Variants in CSMD1 observed in about 807,000 individuals in gnomAD.
CSMD1 encodes CUB and sushi domain-containing protein 1.
In CSMD1, 213 loss-of-function variants were observed where a neutral mutation model predicts 417.5. The ratio of observed to expected loss-of-function variants is 0.51; its 90% CI spans 0.46 to 0.57. CSMD1 has a LOEUF of 0.57. CSMD1 is among the 20% of genes least tolerant of loss of function. CSMD1 has a pLI of 0.00. For missense variants in CSMD1, 6,923 were observed against 4,529.7 expected (o/e 1.53, Z -15.17); for synonymous variants, 2,862 against 1,736.8 (o/e 1.65, Z -16.11).
intron 3 of CSMD1, among the ~76,000 whole-genome samples, chr8:4,135,133 AAT>A (rs1803340808): frequency 6.6e-6 from 1 of 152,144 alleles, no homozygotes; most frequent in Admixed American, 6.6e-5. Flanking sequence ...ACGCACACAA[AAT>A]ATTGTCATAT....
At chr8:4,723,944 G>T (rs143013902) in intron 1 of CSMD1, among the ~76,000 whole-genome samples, 1 of 151,966 alleles carries the variant, frequency 6.6e-6, no homozygotes, top group African/African-American at 2.4e-5. Flanking sequence ...TGAGTAACTT[G>T]CCTAGATAAG....
chr8:3,910,275 GCT>G (rs1808379619), intron 5 of CSMD1, among the ~76,000 whole-genome samples: 2 of 152,120 alleles, frequency 1.3e-5, no homozygotes, highest in South Asian at 2.1e-4. Flanking sequence ...CAGCTGCTCA[GCT>G]CTCTCACCAC....
At chr8:4,053,017 C>G (rs183084405) in intron 3 of CSMD1, among the ~76,000 whole-genome samples, 1 of 152,210 alleles carries the variant, frequency 6.6e-6, no homozygotes, top group Non-Finnish European at 1.5e-5. Flanking sequence ...TATACTTTAG[C>G]AAAGGGTAAC....
At position 4,661,225 on chromosome 8, in the gene CSMD1, A is replaced by G. The variant is rs140344810; in HGVS notation, c.86-23667T>C. The stretch of plus-strand genomic sequence containing the variant: ...ACTGAAACAGCCCAGATGTCCTTTA[A>G]TGAGTGAATGGCTAAATAAATTGTG... On this transcript the variant is annotated intron_variant, in intron 1 of 69. Transcript: ENST00000635120. 2.2e-3 allele frequency among the ~76,000 whole-genome samples: 339 copies of G among 152,166 alleles called. 1 individual carries two copies. The highest frequency in any genetic ancestry group is 7.9e-3 in the African/African-American group (328 of 41,554).
At chr8:3,691,682 T>C (rs1218495043) in intron 7 of CSMD1, among the ~76,000 whole-genome samples, 1 of 152,170 alleles carries the variant, frequency 6.6e-6, no homozygotes, top group Non-Finnish European at 1.5e-5. Context: ...GTATTTTTTA[T>C]AGCAATGTAA....
In CSMD1 at chr8:3,695,809, A is replaced by G. The variant is rs188496442; in HGVS notation, c.1009+12605T>C. ...TCAGATTATAAATCAACCAGCAAAC[A>G]CTTTTCCAACTTAAAATAGCATTAT... On this transcript the variant is annotated intron_variant, in intron 7 of 69. Transcript: ENST00000635120. Among the ~76,000 whole-genome samples the G allele has an allele frequency of 2.0e-5, 3 of 152,310 alleles. No individual in the cohort carries two copies. The East Asian group carries it at 5.8e-4, about 29-fold the overall frequency.
chr8:4,675,066 C>A (rs562321654), intron 1 of CSMD1, among the ~76,000 whole-genome samples: 1 of 152,078 alleles, frequency 6.6e-6, no homozygotes, highest in Admixed American at 6.6e-5. Context: ...TCCAGAACTG[C>A]GAGGAATAAA....
chr8:4,456,540 G>T (rs530716001), intron 2 of CSMD1, among the ~76,000 whole-genome samples: 2 of 152,280 alleles, frequency 1.3e-5, no homozygotes, highest in East Asian at 3.9e-4. Flanking sequence ...CTTCAGTAGT[G>T]ACACCACTTT....
chr8:3,713,151 A>G (rs1414998875), intron 6 of CSMD1, among the ~76,000 whole-genome samples: 2 of 152,192 alleles, frequency 1.3e-5, no homozygotes, highest in Non-Finnish European at 2.9e-5. Flanking sequence ...TAAGGGCTGA[A>G]AAATCAAAAA....
intron 6 of CSMD1, among the ~76,000 whole-genome samples, chr8:3,747,667 C>T (rs1280253256): frequency 6.6e-6 from 1 of 152,000 alleles, no homozygotes; most frequent in Non-Finnish European, 1.5e-5. Context: ...TTCTCTGTAC[C>T]TGTTGTGCCT....
At chr8:3,735,963 G>T (rs1174357597) in intron 6 of CSMD1, among the ~76,000 whole-genome samples, 1 of 152,006 alleles carries the variant, frequency 6.6e-6, no homozygotes, top group Non-Finnish European at 1.5e-5. Flanking sequence ...CAGTAGACAG[G>T]TAAATGGGTA....
At chr8:3,847,740 C>G (rs1375163283) in intron 5 of CSMD1, among the ~76,000 whole-genome samples, 2 of 152,166 alleles carry the variant, frequency 1.3e-5, no homozygotes, top group Non-Finnish European at 2.9e-5. Context: ...ATCCCTGACA[C>G]TGCAGTTCCA....
At chr8:4,313,237 A>G in intron 3 of CSMD1, among the ~76,000 whole-genome samples, 1 of 152,254 alleles carries the variant, frequency 6.6e-6, no homozygotes, top group Non-Finnish European at 1.5e-5. Flanking sequence ...GAAAAAACCT[A>G]GTTGGCTAAA....
intron 5 of CSMD1, among the ~76,000 whole-genome samples, chr8:3,964,262 G>C (rs78144723): frequency 6.6e-6 from 1 of 152,224 alleles, no homozygotes; most frequent in East Asian, 1.9e-4. Flanking sequence ...TCCCTCCTTT[G>C]GGGCTTAGAG....
intron 3 of CSMD1, among the ~76,000 whole-genome samples, chr8:4,033,862 A>G (rs534588069): frequency 6.6e-6 from 1 of 152,344 alleles, no homozygotes; most frequent in African/African-American, 2.4e-5. Context: ...CTGAAACGGT[A>G]CATCATTCAG....
chr8:4,915,102 A>C (rs1241407191), intron 1 of CSMD1, among the ~76,000 whole-genome samples: 1 of 152,200 alleles, frequency 6.6e-6, no homozygotes, highest in African/African-American at 2.4e-5. Context: ...GGTCAGGCCG[A>C]GTCAAGTGTT....
At chr8:4,464,313 T>C (rs1800021524) in intron 2 of CSMD1, among the ~76,000 whole-genome samples, 1 of 152,186 alleles carries the variant, frequency 6.6e-6, no homozygotes. Context: ...ACAGACGCTC[T>C]TCAACTTACA....
At chr8:3,877,706 A>G (rs572319851) in intron 5 of CSMD1, among the ~76,000 whole-genome samples, 1 of 152,192 alleles carries the variant, frequency 6.6e-6, no homozygotes, top group Non-Finnish European at 1.5e-5. Flanking sequence ...ATATATTTTC[A>G]TATGCAGTCA....
chr8:3,648,972 T>A (rs1009645124), intron 7 of CSMD1, among the ~76,000 whole-genome samples: 2 of 152,128 alleles, frequency 1.3e-5, no homozygotes, highest in Non-Finnish European at 2.9e-5. Flanking sequence ...GCCCTGTGCA[T>A]GGTGTTTGAG....
Sources: allele counts gnomAD v4.1 joint callset (sites outside exome capture counted in the v4.1 genomes callset), GRCh38; gene constraint gnomAD v4.1.1; transcripts MANE v1.5; gene names NCBI Gene and HGNC (gene_info 2026-07-23, HGNC 2026-07-21).